Variants in MYBPC3 observed in about 807,000 individuals in gnomAD.
MYBPC3 encodes the protein myosin binding protein C3.
In MYBPC3, 108 loss-of-function variants were observed where a neutral mutation model predicts 159.3. The observed-to-expected ratio is 0.68, with a 90% confidence interval of 0.58 to 0.80. The LOEUF (loss-of-function observed/expected upper bound fraction) is 0.80. Among genes scored for constraint, MYBPC3 ranks in the 30% least tolerant of loss-of-function variants. The pLI, the probability that MYBPC3 is intolerant of heterozygous loss-of-function variation, is 0.00. For missense variants in MYBPC3, 1,631 were observed against 1,762.1 expected (o/e 0.93, Z 1.33); for synonymous variants, 730 against 702.0 (o/e 1.04, Z -0.63).
rs1595851193 is a variant in MYBPC3, at chr11:47,352,628, T to G, written c.20A>C (p.Lys7Thr). The G allele has an allele frequency of 1.9e-6, 3 of 1,598,060 alleles. No individual in the cohort carries two copies. The highest frequency in any genetic ancestry group is 2.6e-6 in the Non-Finnish European group (3 of 1,172,576). The stretch of plus-strand genomic sequence containing the variant: ...AACCCCAGTCCTAAAGCTACCTGGC[T>G]TCTTCCCCGGCTCAGGCATCCTGAG... The part of the protein sequence containing the change: MPEPGK[K>T]PVSAFSKKPR... Residue 7 changes from lysine to threonine, a missense_variant, in exon 1 of 35, where the codon AAG (lysine) becomes ACG (threonine). By Grantham distance (78) the Lys-to-Thr change is moderately conservative. Transcript: ENST00000545968.
At chr11:47,350,805 C>T (rs2095899973) in intron 2 of MYBPC3, among the ~76,000 whole-genome samples, 190 bp from the exon 3 acceptor site, 1 of 152,212 alleles carries the variant, frequency 6.6e-6, no homozygotes, top group Non-Finnish European at 1.5e-5. Flanking sequence ...CTCACATTCT[C>T]CTCCCCGTCC....
At chr11:47,342,803 C>T (rs2095890207) in intron 16 of MYBPC3, 27 bp downstream of exon 16, 1 of 1,612,296 alleles carries the variant, frequency 6.2e-7, no homozygotes, top group African/African-American at 1.3e-5. Flanking sequence ...GCCCCCAACA[C>T]CCATGCCCCG....
intron 20 of MYBPC3, among the ~76,000 whole-genome samples, 199 bp downstream of exon 20, chr11:47,340,804 G>A (rs1420454385): frequency 6.6e-6 from 1 of 152,186 alleles, no homozygotes; most frequent in East Asian, 1.9e-4. Context: ...GCACTATCAG[G>A]GTTCCCATTT....
chr11:47,338,529 T>C lies in MYBPC3; in HGVS notation c.2299A>G (p.Lys767Glu). ...CCCCGGCCGGCCTCACCGATGACCT[T>C]GACTGTGAGGTTGACCTGGTCCTCG... is the stretch of plus-strand genomic sequence containing the variant. ...VGEDQVNLTV[K>E]VIDVPDAPAA... The change falls in exon 23 of 35, where the codon AAG becomes GAG. Residue 767 changes from lysine to glutamate, a missense_variant. Coordinates refer to ENST00000545968, the MANE Select transcript of MYBPC3 (RefSeq NM_000256.3). The surrounding 1 kb of genome is among the most constrained non-coding windows in gnomAD (Gnocchi z 4.7). The C allele has an allele frequency of 6.2e-7, 1 of 1,613,992 alleles. No individual in the cohort carries two copies. The highest frequency in any genetic ancestry group is 1.3e-5 in the African/African-American group (1 of 75,056).
In MYBPC3 at chr11:47,337,482, G is replaced by A. The variant is rs542181308; in HGVS notation, c.2511C>T (p.Ile837=). Residue 837 remains isoleucine (I), a synonymous_variant, in exon 25 of 35, where the codon ATC becomes ATT. Transcript: ENST00000545968. ...CGCGCATCTCGTACACCACGCCCTC[G>A]ATCATGCGCCGCGCTTCATGACTCA... is the stretch of plus-strand genomic sequence containing the variant. ...QELSHEARRM[I]EGVVYEMRVY... 16 of 1,613,938 alleles carry A rather than the reference G, an allele frequency of 9.9e-6. No homozygotes were observed. Among genetic ancestry groups the A allele is most frequent in the African/African-American group, 8.0e-5 (6 of 75,052 alleles).
chr11:47,341,284 C>T (rs1408226260), intron 18 of MYBPC3, 40 bp from the exon 19 acceptor site: 1 of 1,503,078 alleles, frequency 6.7e-7, no homozygotes, highest in South Asian at 1.2e-5. Context: ...CACTGGGCCA[C>T]ACACCCCTGG....
intron 14 of MYBPC3, 53 bp from the exon 15 acceptor site, chr11:47,343,198 C>T: frequency 1.3e-6 from 2 of 1,588,276 alleles, no homozygotes. Flanking sequence ...CCCCTCCGGG[C>T]CCAGTGCGCC....
chr11:47,338,640 T>G lies in MYBPC3; in HGVS notation c.2188A>C (p.Thr730Pro), dbSNP rs763341155. ...ACCGTGAAGATGCTGCGGTCCTTGG[T>G]GGTCTCCACGCGGACCCGGCCCTCG... ...ETEGRVRVET[T>P]KDRSIFTVEG... is the part of the protein sequence containing the mutation. Residue 730 changes from threonine to proline, a missense_variant, in exon 23 of 35, where the codon ACC becomes CCC. Coordinates refer to ENST00000545968, the MANE Select transcript of MYBPC3 (RefSeq NM_000256.3). The surrounding 1 kb of genome is among the most constrained non-coding windows in gnomAD (Gnocchi z 4.7). The G allele has an allele frequency of 7.4e-6, 12 of 1,613,858 alleles. No homozygotes were observed. The highest frequency in any genetic ancestry group is 1.0e-5 in the Non-Finnish European group (12 of 1,179,836).
In MYBPC3 at chr11:47,351,386, T is replaced by A. The variant is rs760058908; in HGVS notation, c.145A>T (p.Ile49Phe). 8 of 1,609,602 alleles carry A rather than the reference T, an allele frequency of 5.0e-6. No homozygotes were observed. The South Asian group carries it at 8.9e-5, about 18-fold the overall frequency. Residue 49 changes from isoleucine (I) to phenylalanine (F), a missense_variant, in exon 2 of 35, where the codon ATC becomes TTC. Coordinates refer to ENST00000545968, the MANE Select transcript of MYBPC3 (RefSeq NM_000256.3). The surrounding 1 kb of genome is among the most constrained non-coding windows in gnomAD (Gnocchi z 4.2). ...KVRWQRGGSD[I>F]SASNKYGLAT... ...AGGCCGTACTTGTTGCTGGCGCTGA[T>A]GTCACTGCCTCCGCGCTGCCAGCGC...
intron 26 of MYBPC3, chr11:47,335,655 G>A (rs2095881523): frequency 2.2e-6 from 1 of 445,804 alleles, no homozygotes; most frequent in African/African-American, 2.0e-5. Flanking sequence ...TGTAGTTGCT[G>A]ATTTCGCACT....
In MYBPC3 at chr11:47,332,947, G is replaced by A. The variant is rs1565622952; in HGVS notation, c.3357C>T (p.Tyr1119=). 6.2e-7 allele frequency: 1 copy of A among 1,610,738 alleles called. No individual in the cohort carries two copies. The highest frequency in any genetic ancestry group is 8.5e-7 in the Non-Finnish European group (1 of 1,178,694). ...TMEWFTVLEH[Y]RRTHCVVPEL... is the part of the protein sequence containing the mutation. ...CTGGCACCACGCAGTGGGTGCGGCG[G>A]TAATGCTCCAAGACGGTGAACCACT... Residue 1119 remains tyrosine (Y), a synonymous_variant, in exon 31 of 35, where the codon TAC becomes TAT. Transcript: ENST00000545968. This position sits in a 1 kb window ranked among gnomAD's most constrained non-coding sequence, Gnocchi z 4.2.
chr11:47,341,487 T>C (rs1300536352), intron 18 of MYBPC3, among the ~76,000 whole-genome samples: 2 of 152,240 alleles, frequency 1.3e-5, no homozygotes, highest in Non-Finnish European at 2.9e-5. Context: ...CCTTGGAGAC[T>C]GGGCAGGGGC....
intron 25 of MYBPC3, among the ~76,000 whole-genome samples, chr11:47,336,873 A>C (rs2095882811): frequency 6.6e-6 from 1 of 152,210 alleles, no homozygotes; most frequent in Non-Finnish European, 1.5e-5. Flanking sequence ...GGGACCATGG[A>C]GCTGCCTCTG....
intron 25 of MYBPC3, among the ~76,000 whole-genome samples, chr11:47,336,699 T>A (rs11570100): frequency 0.016 from 2,486 of 152,234 alleles, 79 homozygotes; most frequent in African/African-American, 0.057. Flanking sequence ...GTCCTTGGCC[T>A]GCCCTTGCCA....
In MYBPC3 at chr11:47,346,578, C is replaced by T. The variant is rs761829124; in HGVS notation, c.926+49G>A. On this transcript the variant is annotated intron_variant, in intron 11 of 34. Coordinates refer to ENST00000545968, the MANE Select transcript of MYBPC3 (RefSeq NM_000256.3). This position sits in a 1 kb window ranked among gnomAD's most constrained non-coding sequence, Gnocchi z 5.3. ...AGGGGCTGGGGATCTGGAGGGGCTC[C>T]TGGCAGAATTAGGGGTGATGAGGGT... is the stretch of plus-strand genomic sequence containing the variant. 6.5e-7 allele frequency: 1 copy of T among 1,537,656 alleles called. No homozygotes were observed. Among genetic ancestry groups the T allele is most frequent in the Non-Finnish European group, 8.8e-7 (1 of 1,137,494 alleles).
At position 47,339,668 on chromosome 11, in the gene MYBPC3, G is replaced by T. The variant is rs1206030542; in HGVS notation, c.2050C>A (p.Gln684Lys). 1.2e-6 allele frequency: 2 copies of T among 1,606,988 alleles called. No homozygotes were observed. Reference sequence around the variant, plus strand: ...CACAGTACCTGCGTGATAGCCTTCTGCCAGATCACAGTGGGAGCAGGGTCC... The same window carrying T: ...CACAGTACCTGCGTGATAGCCTTCTTCCAGATCACAGTGGGAGCAGGGTCC... ...SGDPAPTVIW[Q>K]KAITQGNKAP... Residue 684 changes from glutamine to lysine, a missense_variant, in exon 21 of 35, where the codon CAG becomes AAG. By Grantham distance (53) the Gln-to-Lys change is moderately conservative. Coordinates refer to ENST00000545968, the MANE Select transcript of MYBPC3 (RefSeq NM_000256.3).
rs367927327 is a variant in MYBPC3, at chr11:47,333,239, C to T, written c.3285G>A (p.Thr1095=). 6.6e-5 allele frequency: 105 copies of T among 1,588,842 alleles called. No individual in the cohort carries two copies. Among genetic ancestry groups the T allele is most frequent in the African/African-American group, 4.8e-4 (36 of 74,536 alleles). The change falls in exon 30 of 35, where the codon ACG becomes ACA. Residue 1095 remains threonine, a synonymous_variant. Transcript: ENST00000545968. The part of the protein sequence containing the change: ...EWKPPQDVGN[T]ELWGYTVQKA... ...TCTGCACTGTGTACCCCCAGAGCTCCGTGTTGCCGACATCCTGGGGTGGCT... is the reference window on the plus strand; with the variant it reads ...TCTGCACTGTGTACCCCCAGAGCTCTGTGTTGCCGACATCCTGGGGTGGCT...
chr11:47,351,189 G>GGGGCCCC lies in MYBPC3; in HGVS notation c.292+49_292+50insGGGGCCC. ...TGGATGGATGGAGAGTCGCTGGGCT[G>GGGGCCCC]CCCCTCCCCCAGCAGCCCAAACCTC... On this transcript the variant is annotated intron_variant, in intron 2 of 34. Transcript: ENST00000545968. The surrounding 1 kb of genome is among the most constrained non-coding windows in gnomAD (Gnocchi z 4.2). 8.3e-6 allele frequency: 12 copies of GGGGCCCC among 1,448,990 alleles called. No homozygotes were observed. The highest frequency in any genetic ancestry group is 2.3e-4 in the Middle Eastern group (1 of 4,402). The allele number at this position is 1,448,990 out of a possible 1,614,324, so 89.8% of individuals were successfully genotyped here. A position where few individuals can be genotyped will look rare whatever the true frequency, so the allele number is the denominator to read the frequency against.
chr11:47,336,042 G>A (rs779827613), intron 25 of MYBPC3, 31 bp from the exon 26 acceptor site: 1 of 1,421,052 alleles, frequency 7.0e-7, no homozygotes, highest in Admixed American at 2.7e-5. Context: ...AGAGGGGTCT[G>A]AGCAAGCCTG....
Sources: gnomAD v4.1 joint callset for allele counts (sites outside exome capture counted in the v4.1 genomes callset) on GRCh38, gnomAD v4.1.1 for gene constraint, Gnocchi (gnomAD v3.1) non-coding constraint, MANE v1.5 for transcripts, NCBI Gene and HGNC (gene_info 2026-07-23, HGNC 2026-07-21) for gene names.